The following LARGE1 variants were observed in gnomAD, a reference collection of about 807,000 sequenced individuals.
The protein encoded by LARGE1 is xylosyl- and glucuronyltransferase LARGE1.
Under a neutral mutation model 87.6 loss-of-function variants are expected in LARGE1, and 43 were observed. The ratio of observed to expected loss-of-function variants is 0.49; its 90% confidence interval spans 0.38 to 0.63. LARGE1 has a LOEUF of 0.63. Ranked by LOEUF, LARGE1 falls within the 30% of genes least tolerant of loss-of-function variation. LARGE1 has a pLI of 0.00. For synonymous variants in LARGE1, 434 were observed against 394.6 expected (o/e 1.10, Z -1.18); for missense variants, 802 against 1,000.2 (o/e 0.80, Z 2.67).
At chr22:33,110,819 C>T in the LARGE1 span, among the ~76,000 whole-genome samples, 8 of 152,276 alleles carry the variant, frequency 5.3e-5, no homozygotes, top group African/African-American at 1.7e-4. Flanking sequence ...CAGATTTGGT[C>T]ATCAGTCACA....
intron 11 of LARGE1, among the ~76,000 whole-genome samples, chr22:33,193,943 T>TTA (rs60101157): frequency 0.6 from 88,329 of 147,100 alleles, 26,916 homozygotes; most frequent in African/African-American, 0.67. Flanking sequence ...ATGTTATAGA[T>TTA]TATGTTTTAT....
At chr22:33,477,645 C>T (rs1378902532) in intron 6 of LARGE1, among the ~76,000 whole-genome samples, 2 of 152,192 alleles carry the variant, frequency 1.3e-5, no homozygotes, top group African/African-American at 4.8e-5. Context: ...TGCCAGTGAG[C>T]TCCGCCAGGT....
intron 9 of LARGE1, among the ~76,000 whole-genome samples, chr22:33,369,677 G>A (rs912760052): frequency 5.9e-5 from 9 of 152,004 alleles, no homozygotes; most frequent in Admixed American, 1.3e-4. Flanking sequence ...CAAGCAATTC[G>A]CCTGCCTCAG....
At chr22:33,175,913 G>T (rs1281405383) in intron 11 of LARGE1, among the ~76,000 whole-genome samples, 1 of 152,108 alleles carries the variant, frequency 6.6e-6, no homozygotes, top group Non-Finnish European at 1.5e-5. Flanking sequence ...ATACTACAGG[G>T]CTACAGTAAC....
intron 6 of LARGE1, among the ~76,000 whole-genome samples, chr22:33,434,394 G>A (rs932391897): frequency 4.6e-5 from 7 of 152,234 alleles, no homozygotes; most frequent in South Asian, 2.1e-4. Flanking sequence ...TCCGCCTCCC[G>A]GGTTCAAGTA....
At chr22:33,614,869 C>T (rs564120740) in intron 4 of LARGE1, among the ~76,000 whole-genome samples, 22 of 152,210 alleles carry the variant, frequency 1.4e-4, no homozygotes, top group Middle Eastern at 3.4e-3. Context: ...ACAACCCCAG[C>T]GCTTAGAGAG....
the LARGE1 span, among the ~76,000 whole-genome samples, chr22:33,103,599 G>C: frequency 0.056 from 8,482 of 152,216 alleles, 801 homozygotes; most frequent in African/African-American, 0.19. Context: ...GTTGCGAGCT[G>C]TCCATGGGGA....
intron 1 of LARGE1, among the ~76,000 whole-genome samples, chr22:33,892,056 C>T (rs2267312): frequency 0.042 from 6,323 of 152,202 alleles, 156 homozygotes; most frequent in East Asian, 0.14. Flanking sequence ...ACAATCTTGT[C>T]CTGGCCTTCT....
chr22:33,750,669 C>T (rs1309153664), intron 2 of LARGE1: 1 of 151,578 alleles, frequency 6.6e-6, no homozygotes, highest in Non-Finnish European at 1.5e-5. Context: ...TCTAATGTGG[C>T]TTGGGGTCAA....
intron 2 of LARGE1, among the ~76,000 whole-genome samples, chr22:33,663,974 T>C (rs1268943026): frequency 1.3e-5 from 2 of 152,176 alleles, no homozygotes; most frequent in African/African-American, 2.4e-5. Context: ...CCAGGGTGAG[T>C]TGGCTCCTTC....
chr22:33,106,909 A>G, the LARGE1 span, among the ~76,000 whole-genome samples: 2 of 152,332 alleles, frequency 1.3e-5, no homozygotes, highest in East Asian at 3.9e-4. Flanking sequence ...ATGATTAGAG[A>G]GGTCAAAATT....
chr22:33,604,591 G>A (rs1165774267), intron 4 of LARGE1, 33 bp from the exon 5 acceptor site: 1 of 1,613,770 alleles, frequency 6.2e-7, no homozygotes, highest in Non-Finnish European at 8.5e-7. Flanking sequence ...GGGTCAGGTG[G>A]AGAGGTACGG....
At chr22:33,761,989 AG>A (rs2084748825) in intron 1 of LARGE1, among the ~76,000 whole-genome samples, 2 of 151,970 alleles carry the variant, frequency 1.3e-5, no homozygotes, top group Non-Finnish European at 2.9e-5. Context: ...GGCCGAGACG[AG>A]TGGATAACTT....
chr22:33,265,054 C>T (rs961046969), intron 11 of LARGE1, among the ~76,000 whole-genome samples: 1 of 151,810 alleles, frequency 6.6e-6, no homozygotes, highest in African/African-American at 2.4e-5. Flanking sequence ...GCATGTGCCA[C>T]CATGCCTGGC....
chr22:33,164,942 G>C (rs1344918825), exon 12 of LARGE1: 1 of 152,148 alleles, frequency 6.6e-6, no homozygotes, highest in African/African-American at 2.4e-5. Context: ...ATTTACAAGT[G>C]GGAGCTAAAC....
At chr22:33,284,087 T>C (rs943675443) in intron 12 of LARGE1, among the ~76,000 whole-genome samples, 4 of 151,960 alleles carry the variant, frequency 2.6e-5, no homozygotes, top group African/African-American at 9.7e-5. Context: ...CAGACCAGAC[T>C]GAGGGGCTGG....
chr22:33,246,475 G>T (rs1056128578), intron 11 of LARGE1, among the ~76,000 whole-genome samples: 2 of 152,028 alleles, frequency 1.3e-5, no homozygotes, highest in Non-Finnish European at 2.9e-5. Context: ...GCAAAACCCT[G>T]TCTCCACCAA....
At chr22:33,819,999 G>A (rs753196495) in intron 1 of LARGE1, among the ~76,000 whole-genome samples, 14 of 152,186 alleles carry the variant, frequency 9.2e-5, no homozygotes, top group Non-Finnish European at 1.9e-4. Flanking sequence ...CTTGCATGTG[G>A]ATGGTCCAGG....
At chr22:33,658,784 T>C (rs2081042295) in intron 2 of LARGE1, among the ~76,000 whole-genome samples, 1 of 152,210 alleles carries the variant, frequency 6.6e-6, no homozygotes, top group South Asian at 2.1e-4. Context: ...ATGATTTATA[T>C]TCCTTTGGGT....
Sources: allele counts gnomAD v4.1 joint callset (sites outside exome capture counted in the v4.1 genomes callset), GRCh38; gene constraint gnomAD v4.1.1; transcripts MANE v1.5; gene names NCBI Gene and HGNC (gene_info 2026-07-23, HGNC 2026-07-21).